The following KCTD16 variants were observed in gnomAD, a reference collection of about 807,000 sequenced individuals.
KCTD16 encodes the protein potassium channel tetramerization domain containing 16.
KCTD16 carries 13 observed loss-of-function variants against 33.2 expected under a neutral mutation model. The ratio of observed to expected loss-of-function variants is 0.39; its 90% CI spans 0.25 to 0.62. The LOEUF (loss-of-function observed/expected upper bound fraction) is 0.62, where lower values mean the gene tolerates loss of function less well. Ranked by LOEUF, KCTD16 falls within the 20% of genes least tolerant of loss-of-function variation. The pLI is 0.50. For synonymous variants in KCTD16, 197 were observed against 195.3 expected (o/e 1.01, Z -0.07); for missense variants, 441 against 525.1 (o/e 0.84, Z 1.57).
At chr5:144,319,578 A>G (rs560712088) in intron 3 of KCTD16, among the ~76,000 whole-genome samples, 1 of 152,294 alleles carries the variant, frequency 6.6e-6, no homozygotes, top group South Asian at 2.1e-4. Flanking sequence ...AGTCTTAAGT[A>G]TTTGCACAAG....
intron 2 of KCTD16, among the ~76,000 whole-genome samples, chr5:144,189,637 T>C (rs1402330732): frequency 6.6e-6 from 1 of 152,232 alleles, no homozygotes. Flanking sequence ...CAAATCGTGC[T>C]AGGTAATAAG....
intron 3 of KCTD16, among the ~76,000 whole-genome samples, chr5:144,307,675 G>T (rs1751643441): frequency 6.6e-6 from 1 of 152,316 alleles, no homozygotes; most frequent in Non-Finnish European, 1.5e-5. Flanking sequence ...AGTCTAGAAT[G>T]CTGCCTCTAG....
At chr5:144,408,434 C>A (rs1346280592) in intron 3 of KCTD16, among the ~76,000 whole-genome samples, 1 of 152,184 alleles carries the variant, frequency 6.6e-6, no homozygotes, top group African/African-American at 2.4e-5. Flanking sequence ...AGTCAGATTG[C>A]ATTGAGAATA....
chr5:144,470,979 A>C (rs935849334), intron 3 of KCTD16, among the ~76,000 whole-genome samples: 1 of 152,170 alleles, frequency 6.6e-6, no homozygotes, highest in Non-Finnish European at 1.5e-5. Flanking sequence ...TCAGGAGTTC[A>C]AGACAAGCCT....
intron 3 of KCTD16, among the ~76,000 whole-genome samples, chr5:144,344,753 G>T (rs1173361169): frequency 1.3e-5 from 2 of 150,256 alleles, no homozygotes; most frequent in Admixed American, 1.3e-4. Flanking sequence ...TTACACTGTT[G>T]GTGGGACTGT....
Position 144,203,470 on chromosome 5 carries a change from C to G in KCTD16, c.-326-2919C>G, listed in dbSNP as rs554887223. Among the ~76,000 whole-genome samples the G allele has an allele frequency of 4.3e-4, 65 of 152,262 alleles. No homozygotes were observed. The South Asian group carries it at 0.012, about 27-fold the overall frequency. ...GAAGAGTCAGTGGTCTAAAGCCCAT[C>G]CTGTTACTCTGGAATCGTGTGACCC... On this transcript the variant is annotated intron_variant, in intron 2 of 3. Transcript: ENST00000512467.
chr5:144,206,107 A>G (rs1753162270), intron 2 of KCTD16: 1 of 152,698 alleles, frequency 6.5e-6, no homozygotes, highest in Non-Finnish European at 1.5e-5. Context: ...GGAAGTTGAA[A>G]ATTGCATGTT....
At chr5:144,172,537 C>A (rs889228563) in intron 1 of KCTD16, among the ~76,000 whole-genome samples, 18 of 152,134 alleles carry the variant, frequency 1.2e-4, no homozygotes, top group African/African-American at 4.1e-4. Flanking sequence ...TTTTGAATTT[C>A]TGAAATTGCT....
chr5:144,203,438 T>C (rs1467253116), intron 2 of KCTD16, among the ~76,000 whole-genome samples: 1 of 152,176 alleles, frequency 6.6e-6, no homozygotes, highest in Admixed American at 6.5e-5. Flanking sequence ...ATGAGGATGG[T>C]TATCCTGAAG....
intron 2 of KCTD16, among the ~76,000 whole-genome samples, chr5:144,182,383 A>G (rs529810881): frequency 1.6e-4 from 25 of 152,324 alleles, no homozygotes; most frequent in Non-Finnish European, 2.9e-4. Flanking sequence ...TAGAAAACAG[A>G]CTAAAACATA....
At chr5:144,271,760 T>TAC (rs3077273) in intron 3 of KCTD16, among the ~76,000 whole-genome samples, 7,065 of 146,146 alleles carry the variant, frequency 0.048, 377 homozygotes, top group African/African-American at 0.13. Flanking sequence ...GACTAAAAAC[T>TAC]ACACACACAC....
chr5:144,259,260 A>T (rs1754938681), intron 3 of KCTD16, among the ~76,000 whole-genome samples: 1 of 124,464 alleles, frequency 8.0e-6, no homozygotes, highest in African/African-American at 3.7e-5. Flanking sequence ...TCCATCTCAA[A>T]AAAAAAAAAA....
intron 3 of KCTD16, among the ~76,000 whole-genome samples, chr5:144,469,049 A>C (rs1053265103): frequency 6.6e-6 from 1 of 152,168 alleles, no homozygotes; most frequent in Non-Finnish European, 1.5e-5. Flanking sequence ...AGTTTTTCTA[A>C]GTTGTAAAAT....
chr5:144,430,597 G>T (rs944637752), intron 3 of KCTD16, among the ~76,000 whole-genome samples: 1 of 152,134 alleles, frequency 6.6e-6, no homozygotes, highest in Non-Finnish European at 1.5e-5. Flanking sequence ...TGCCAATTCT[G>T]ATCAATTAGC....
chr5:144,410,081 C>A (rs1232894288), intron 3 of KCTD16, among the ~76,000 whole-genome samples: 1 of 152,128 alleles, frequency 6.6e-6, no homozygotes, highest in African/African-American at 2.4e-5. Context: ...GGACAGAAAG[C>A]ATGACTTGCT....
In KCTD16 at chr5:144,474,161, T is replaced by A; in HGVS notation, c.*47T>A. On this transcript the variant is annotated 3_prime_UTR_variant, in exon 4 of 4. Transcript: ENST00000512467. ...AGAAAAAAAAAAGTCATTTTGAAAT[T>A]AACCTCCTAAAAGGAATTCATATTT... is the stretch of plus-strand genomic sequence containing the variant. 7.1e-7 allele frequency: 1 copy of A among 1,404,688 alleles called. No individual in the cohort carries two copies. Among genetic ancestry groups the A allele is most frequent in the Non-Finnish European group, 9.7e-7 (1 of 1,027,724 alleles). 87.0% of individuals were successfully genotyped at this position (1,404,688 alleles called of 1,614,324 possible). A position where few individuals can be genotyped will look rare whatever the true frequency, so the allele number is the denominator to read the frequency against.
intron 3 of KCTD16, among the ~76,000 whole-genome samples, chr5:144,265,788 T>G (rs1463820542): frequency 6.6e-6 from 1 of 152,214 alleles, no homozygotes; most frequent in Non-Finnish European, 1.5e-5. Context: ...GCAATTCTAA[T>G]CTATGGTTAT....
chr5:144,247,744 T>C (rs1039725222), intron 3 of KCTD16, among the ~76,000 whole-genome samples: 1 of 152,226 alleles, frequency 6.6e-6, no homozygotes, highest in African/African-American at 2.4e-5. Context: ...ATACTGCTGA[T>C]TATGAACACA....
chr5:144,325,665 C>T (rs538305963), intron 3 of KCTD16, among the ~76,000 whole-genome samples: 13 of 152,214 alleles, frequency 8.5e-5, no homozygotes, highest in East Asian at 7.7e-4. Context: ...CTGGGTATGA[C>T]GTGCTCTGAA....
Sources: allele counts gnomAD v4.1 joint callset (sites outside exome capture counted in the v4.1 genomes callset), GRCh38; gene constraint gnomAD v4.1.1; transcripts MANE v1.5; gene names NCBI Gene and HGNC (gene_info 2026-07-23, HGNC 2026-07-21).